Variants in LINGO1 observed in about 807,000 individuals in gnomAD.
The protein encoded by LINGO1 is leucine rich repeat and Ig domain containing 1, also known as leucine-rich repeat and immunoglobulin-like domain-containing nogo receptor-interacting protein 1.
LINGO1 carries 11 observed loss-of-function variants against 37.3 expected under a neutral mutation model. The ratio of observed to expected loss-of-function variants is 0.29; its 90% CI spans 0.19 to 0.49. The LOEUF is 0.49. Ranked by LOEUF, LINGO1 falls within the 20% of genes least tolerant of loss-of-function variation. LINGO1 has a pLI of 0.99. For synonymous variants in LINGO1, 387 were observed against 403.0 expected (o/e 0.96, Z 0.48); for missense variants, 585 against 878.2 (o/e 0.67, Z 4.22).
intron 2 of LINGO1, among the ~76,000 whole-genome samples, chr15:77,713,580 G>A (rs769007065): frequency 1.3e-4 from 19 of 151,974 alleles, no homozygotes; most frequent in Non-Finnish European, 2.2e-4. Context: ...CTCCATTGTG[G>A]CGCTGGATAC....
At chr15:77,752,458 G>A (rs1248771546) in intron 1 of LINGO1, among the ~76,000 whole-genome samples, 6 of 152,312 alleles carry the variant, frequency 3.9e-5, no homozygotes, top group Admixed American at 6.5e-5. Flanking sequence ...AAATCGATGG[G>A]CAGCAAGAGG....
At chr15:77,677,579 C>A (rs2075349467) in intron 2 of LINGO1, among the ~76,000 whole-genome samples, 1 of 152,102 alleles carries the variant, frequency 6.6e-6, no homozygotes, top group Admixed American at 6.5e-5. Context: ...GTGTCCCCTG[C>A]CTCCTGGAAG....
At chr15:77,704,400 G>T (rs2075822605) in intron 2 of LINGO1, among the ~76,000 whole-genome samples, 1 of 149,248 alleles carries the variant, frequency 6.7e-6, no homozygotes, top group Non-Finnish European at 1.5e-5. Flanking sequence ...CCTGATCACA[G>T]ATTGAACCCC....
At chr15:77,718,084 C>T (rs891897071) in intron 2 of LINGO1, among the ~76,000 whole-genome samples, 2 of 150,918 alleles carry the variant, frequency 1.3e-5, no homozygotes, top group East Asian at 2.1e-4. Flanking sequence ...ACAGCGCCAT[C>T]CCCCATGGGA....
At chr15:77,638,022 T>C (rs1382639831), upstream of LINGO1, among the ~76,000 whole-genome samples, 1 of 152,370 alleles carries the variant, frequency 6.6e-6, no homozygotes, top group East Asian at 1.9e-4. Flanking sequence ...TCAGCACCAG[T>C]GACAGGTCAC....
intron 2 of LINGO1, among the ~76,000 whole-genome samples, chr15:77,713,625 A>C (rs1267610898): frequency 6.6e-6 from 1 of 151,990 alleles, no homozygotes; most frequent in African/African-American, 2.4e-5. Context: ...TTACATACAC[A>C]CACGCGCACA....
chr15:77,623,192 T>C (rs2073978489), intron 1 of LINGO1, among the ~76,000 whole-genome samples: 1 of 152,154 alleles, frequency 6.6e-6, no homozygotes, highest in Non-Finnish European at 1.5e-5. Flanking sequence ...GGAGGTGCTG[T>C]GTGAGCTCAG....
chr15:77,703,318 A>G (rs2075808066), intron 2 of LINGO1, among the ~76,000 whole-genome samples: 1 of 152,200 alleles, frequency 6.6e-6, no homozygotes. Flanking sequence ...CAGCTGGTAT[A>G]GTGCCTAGAG....
At chr15:77,659,467 C>G (rs2074939977) in intron 3 of LINGO1, among the ~76,000 whole-genome samples, 1 of 152,214 alleles carries the variant, frequency 6.6e-6, no homozygotes, top group African/African-American at 2.4e-5. Flanking sequence ...TCGGTTCCCA[C>G]TTTGTCACAG....
At chr15:77,810,363 G>C (rs905500081) in intron 1 of LINGO1, among the ~76,000 whole-genome samples, 5 of 136,518 alleles carry the variant, frequency 3.7e-5, no homozygotes, top group Middle Eastern at 3.8e-3. Context: ...CACACACACA[G>C]AGGAATCTAG....
At chr15:77,620,903 G>A (rs11857045) in intron 1 of LINGO1, among the ~76,000 whole-genome samples, 25,844 of 152,038 alleles carry the variant, frequency 0.17, 4,488 homozygotes, top group African/African-American at 0.44. Context: ...GGGCTCAGGA[G>A]TCACTCTGTG....
At chr15:77,776,530 G>GGAAAGCAGGAAGGCAGGAAAGCAGGA (rs2076653137) in intron 1 of LINGO1, among the ~76,000 whole-genome samples, 1 of 34,520 alleles carries the variant, frequency 2.9e-5, no homozygotes, top group African/African-American at 1.1e-4. Flanking sequence ...GGGAGGAAGG[G>GGAAAGCAGGAAGGCAGGAAAGCAGGA]AGGGAGGGAG....
chr15:77,771,839 C>A (rs1364124936), intron 1 of LINGO1, among the ~76,000 whole-genome samples: 1 of 152,194 alleles, frequency 6.6e-6, no homozygotes, highest in Non-Finnish European at 1.5e-5. Context: ...TGCCTGTGGA[C>A]AGGATACCTG....
In LINGO1 at chr15:77,629,190, T is replaced by C. The variant is rs540645954; in HGVS notation, c.6+3120A>G. 1.5e-3 allele frequency among the ~76,000 whole-genome samples: 221 copies of C among 152,246 alleles called. 1 individual carries two copies. The highest frequency in any genetic ancestry group is 2.3e-3 in the Non-Finnish European group (158 of 68,014). Reference sequence around the variant, plus strand: ...CTCCAGGGTCCACATTCTTAACAACTTCACTATGAAATAACATTGAAGAAA... The same window carrying C: ...CTCCAGGGTCCACATTCTTAACAACCTCACTATGAAATAACATTGAAGAAA... On this transcript the variant is annotated intron_variant, in intron 1 of 1. Coordinates refer to ENST00000355300, the MANE Select transcript of LINGO1 (RefSeq NM_032808.7).
chr15:77,702,126 G>T (rs983513608), intron 2 of LINGO1, among the ~76,000 whole-genome samples: 1 of 152,180 alleles, frequency 6.6e-6, no homozygotes, highest in Admixed American at 6.5e-5. Context: ...TTCCCCCAAG[G>T]CTTTTGCACC....
upstream of LINGO1, among the ~76,000 whole-genome samples, chr15:77,698,828 A>G (rs922181906): frequency 6.6e-6 from 1 of 152,154 alleles, no homozygotes; most frequent in African/African-American, 2.4e-5. Context: ...GATCGGGAGC[A>G]GGGCTGCCTT....
At chr15:77,762,768 G>A (rs1001709125) in intron 1 of LINGO1, among the ~76,000 whole-genome samples, 5 of 152,002 alleles carry the variant, frequency 3.3e-5, no homozygotes, top group African/African-American at 4.8e-5. Flanking sequence ...CCCACCACCC[G>A]AGAGACAAAC....
At chr15:77,691,081 T>G (rs1480083520) in intron 1 of LINGO1, among the ~76,000 whole-genome samples, 1 of 152,244 alleles carries the variant, frequency 6.6e-6, no homozygotes, top group Non-Finnish European at 1.5e-5. Context: ...ATGTTCTGTC[T>G]CTGCACTGTC....
chr15:77,771,829 T>G (rs1462034314), intron 1 of LINGO1, among the ~76,000 whole-genome samples: 6 of 152,206 alleles, frequency 3.9e-5, no homozygotes, highest in Non-Finnish European at 7.3e-5. Context: ...CAGCTCTGCA[T>G]GCCTGTGGAC....
Sources: allele counts gnomAD v4.1 joint callset (sites outside exome capture counted in the v4.1 genomes callset), GRCh38; gene constraint gnomAD v4.1.1; transcripts MANE v1.5; gene names NCBI Gene and HGNC (gene_info 2026-07-23, HGNC 2026-07-21).